The following MBD5 variants were observed in gnomAD, a reference collection of about 807,000 sequenced individuals.
MBD5 encodes the protein methyl-CpG-binding domain protein 5.
In MBD5, 13 loss-of-function variants were observed where a neutral mutation model predicts 117.3. The observed-to-expected ratio is 0.11, with a 90% CI of 0.07 to 0.18. The LOEUF (loss-of-function observed/expected upper bound fraction) is 0.18. MBD5 is among the 10% of genes least tolerant of loss of function. The probability of loss-of-function intolerance (pLI) is 1.00; values close to 1 mark genes in which losing one functional copy is unlikely to be tolerated. For missense variants in MBD5, 1,879 were observed against 2,093.8 expected, an observed-to-expected ratio of 0.90 and a Z score of 2.00; for synonymous variants, 727 against 766.4, an observed-to-expected ratio of 0.95 and a Z score of 0.85.
At chr2:148,230,694 G>A (rs1476644700) in intron 2 of MBD5, among the ~76,000 whole-genome samples, 1 of 151,836 alleles carries the variant, frequency 6.6e-6, no homozygotes, top group Non-Finnish European at 1.5e-5. Flanking sequence ...TCTCACCCAA[G>A]GCCCTCAATG....
rs995691008 is a variant in MBD5, at chr2:148,312,554, C to T, written c.-679-29660C>T. Among the ~76,000 whole-genome samples the T allele has an allele frequency of 2.0e-5, 3 of 152,150 alleles. No individual in the cohort carries two copies. The South Asian group carries it at 6.2e-4, about 32-fold the overall frequency. ...TTATTCTACTTAGCAATTCCTGTAA[C>T]CTTTTTTCAAGGTCCTTAGCTTCCT... On this transcript the variant is annotated intron_variant, in intron 3 of 13. Transcript: ENST00000642680.
chr2:148,337,514 G>A (rs556298051), intron 3 of MBD5, among the ~76,000 whole-genome samples: 2 of 152,296 alleles, frequency 1.3e-5, no homozygotes, highest in Admixed American at 6.5e-5. Flanking sequence ...GGAAATTTAT[G>A]TGTAGCATGG....
chr2:148,138,794 T>G (rs1221629834), intron 1 of MBD5, among the ~76,000 whole-genome samples: 1 of 152,224 alleles, frequency 6.6e-6, no homozygotes, highest in Non-Finnish European at 1.5e-5. Context: ...TTCTGTCTGC[T>G]GAACTCCACA....
chr2:148,103,852 A>G (rs191443319), intron 1 of MBD5, among the ~76,000 whole-genome samples: 24 of 152,328 alleles, frequency 1.6e-4, no homozygotes, highest in Non-Finnish European at 8.8e-5. Context: ...AATTCATATT[A>G]TTAAAACTTG....
Position 148,038,126 on chromosome 2 carries a change from A to C in MBD5, c.-925+16442A>C, listed in dbSNP as rs1033658593. On this transcript the variant is annotated intron_variant, in intron 1 of 13. Transcript: ENST00000642680. ...TCGGTCCCCTGCCTCCTAGTGTAAT[A>C]ATATCTGCCATAAGAAATAAAGCAG... 1.3e-5 allele frequency among the ~76,000 whole-genome samples: 2 copies of C among 152,008 alleles called. 1 individual carries two copies. Among genetic ancestry groups the C allele is most frequent in the South Asian group, 4.1e-4 (2 of 4,832 alleles).
intron 1 of MBD5, among the ~76,000 whole-genome samples, chr2:148,126,132 C>A (rs1696883521): frequency 6.6e-6 from 1 of 152,158 alleles, no homozygotes; most frequent in Middle Eastern, 3.4e-3. Context: ...CAGTGGCTCA[C>A]ACCTGTAATC....
At chr2:148,321,628 A>C (rs1026409623) in intron 3 of MBD5, among the ~76,000 whole-genome samples, 1 of 152,190 alleles carries the variant, frequency 6.6e-6, no homozygotes, top group African/African-American at 2.4e-5. Context: ...AAAGCCTGGA[A>C]TTCTGAAAAT....
Position 148,469,415 on chromosome 2 carries a change from G to C in MBD5, c.1472G>C (p.Arg491Thr), listed in dbSNP as rs1024254683. ...ATSSGIKVPPRSPRSTIGSPR... is the reference protein window; with the variant it reads ...ATSSGIKVPPTSPRSTIGSPR... Reference sequence around the variant, plus strand: ...TCTAGTGGTATTAAGGTTCCACCCAGGTCACCAAGGTCAACAATAGGGTCC... The same window carrying C: ...TCTAGTGGTATTAAGGTTCCACCCACGTCACCAAGGTCAACAATAGGGTCC... Residue 491 changes from arginine to threonine, a missense_variant, in exon 8 of 14, where the codon AGG (arginine) becomes ACG (threonine). By Grantham distance (71) the Arg-to-Thr change is moderately conservative. Transcript: ENST00000642680. 2.5e-6 allele frequency: 4 copies of C among 1,613,728 alleles called. No individual in the cohort carries two copies. Among genetic ancestry groups the C allele is most frequent in the Non-Finnish European group, 3.4e-6 (4 of 1,179,882 alleles).
At position 148,354,658 on chromosome 2, in the gene MBD5, A is replaced by G. The variant is rs369394764; in HGVS notation, c.-557+12322A>G. On this transcript the variant is annotated intron_variant, in intron 4 of 13. Transcript: ENST00000642680. ...TAATGGGATTGCTGGGTCAAATGGC[A>G]TTTCCAATTCTAGCTCCTTGAGGAA... Among the ~76,000 whole-genome samples, 8 of 152,286 alleles carry G rather than the reference A, an allele frequency of 5.3e-5. No individual in the cohort carries two copies. The South Asian group carries it at 1.5e-3, about 28-fold the overall frequency.
intron 1 of MBD5, among the ~76,000 whole-genome samples, chr2:148,149,536 A>C (rs1697579248): frequency 1.3e-5 from 2 of 151,012 alleles, no homozygotes; most frequent in Non-Finnish European, 1.5e-5. Context: ...CAAGGGTTGA[A>C]CTAGTTTACA....
chr2:148,023,105 A>G (rs1363889142), intron 1 of MBD5, among the ~76,000 whole-genome samples: 1 of 148,932 alleles, frequency 6.7e-6, no homozygotes, highest in Admixed American at 6.7e-5. Context: ...TTTTTTTGTA[A>G]CTGCATTGGT....
At chr2:148,383,359 A>T (rs867191831) in intron 4 of MBD5, among the ~76,000 whole-genome samples, 30 of 152,348 alleles carry the variant, frequency 2.0e-4, no homozygotes, top group Middle Eastern at 3.4e-3. Flanking sequence ...AATCTAGAAG[A>T]AATGGATAAA....
intron 2 of MBD5, among the ~76,000 whole-genome samples, chr2:148,228,301 T>C (rs1699889609): frequency 6.6e-6 from 1 of 152,226 alleles, no homozygotes; most frequent in Admixed American, 6.5e-5. Flanking sequence ...CCCTAATTTA[T>C]TGAGAGTTTT....
At chr2:148,446,750 T>A (rs1706545172) in intron 4 of MBD5, among the ~76,000 whole-genome samples, 1 of 151,770 alleles carries the variant, frequency 6.6e-6, no homozygotes, top group Admixed American at 6.6e-5. Context: ...TAGAACAAAA[T>A]AAGTTAGAGT....
intron 3 of MBD5, among the ~76,000 whole-genome samples, chr2:148,236,306 T>A (rs1700091269): frequency 6.6e-6 from 1 of 152,102 alleles, no homozygotes; most frequent in Non-Finnish European, 1.5e-5. Flanking sequence ...TCACTATTTG[T>A]ATTTGTAAGG....
At chr2:148,103,388 A>G (rs1322410963) in intron 1 of MBD5, among the ~76,000 whole-genome samples, 1 of 152,124 alleles carries the variant, frequency 6.6e-6, no homozygotes. Flanking sequence ...TCCTGGGTAA[A>G]TATTTCTGGG....
At chr2:148,077,561 C>T (rs942966203) in intron 1 of MBD5, among the ~76,000 whole-genome samples, 17 of 152,166 alleles carry the variant, frequency 1.1e-4, no homozygotes, top group Admixed American at 7.9e-4. Context: ...TAATTTTAAA[C>T]GGAGTAAGAG....
chr2:148,396,342 G>A (rs762130303), intron 4 of MBD5, among the ~76,000 whole-genome samples: 2 of 152,144 alleles, frequency 1.3e-5, no homozygotes, highest in African/African-American at 4.8e-5. Flanking sequence ...CATGCACAGC[G>A]GCGGCTACAA....
At chr2:148,208,218 C>T (rs1420717282) in intron 2 of MBD5, among the ~76,000 whole-genome samples, 6 of 151,982 alleles carry the variant, frequency 3.9e-5, no homozygotes, top group African/African-American at 1.5e-4. Context: ...GTGTTTGTTT[C>T]CCCTATATAC....
Sources: allele counts gnomAD v4.1 joint callset (sites outside exome capture counted in the v4.1 genomes callset), GRCh38; gene constraint gnomAD v4.1.1; transcripts MANE v1.5; gene names NCBI Gene and HGNC (gene_info 2026-07-23, HGNC 2026-07-21).